The following NBPF3 variants were observed in gnomAD, a reference collection of about 807,000 sequenced individuals.
The protein encoded by NBPF3 is NBPF family member NBPF3.
In NBPF3, 57 loss-of-function variants were observed where a neutral mutation model predicts 78.1. The observed-to-expected ratio is 0.73, with a 90% CI of 0.59 to 0.91. The LOEUF is 0.91. Ranked by LOEUF, NBPF3 falls within the 40% of genes least tolerant of loss-of-function variation. NBPF3 has a pLI of 0.00. For synonymous variants in NBPF3, 182 were observed against 271.7 expected (o/e 0.67, Z 3.25); for missense variants, 510 against 715.3 (o/e 0.71, Z 3.27).
In NBPF3 at chr1:21,460,469, GC is replaced by G. The variant is rs1265766560; in HGVS notation, c.134-8218del. Among the ~76,000 whole-genome samples the G allele has an allele frequency of 2.0e-4, 30 of 152,254 alleles. No individual in the cohort carries two copies. Among genetic ancestry groups the G allele is most frequent in the African/African-American group, 6.5e-4 (27 of 41,544 alleles). The stretch of plus-strand genomic sequence containing the variant: ...AGTTCCCATCCATGAGTGAGAACGT[GC>G]TCACGCTGCTACTTCTAAATGTTTT... On this transcript the variant is annotated intron_variant, in intron 2 of 14. Coordinates refer to ENST00000318249, the MANE Select transcript of NBPF3 (RefSeq NM_032264.6). This position sits in a 1 kb window ranked among gnomAD's most constrained non-coding sequence, Gnocchi z 4.2.
At chr1:21,478,987 A>G (rs1643033749) in intron 9 of NBPF3, among the ~76,000 whole-genome samples, 1 of 152,222 alleles carries the variant, frequency 6.6e-6, no homozygotes, top group Non-Finnish European at 1.5e-5. Flanking sequence ...CTCATAAACT[A>G]TCAAATCTGG....
chr1:21,446,394 T>G (rs1240269618), intron 2 of NBPF3: 1 of 152,030 alleles, frequency 6.6e-6, no homozygotes, highest in African/African-American at 2.4e-5. Flanking sequence ...TAATGGAAAA[T>G]ATTGGTGGTG....
intron 4 of NBPF3, among the ~76,000 whole-genome samples, chr1:21,471,031 A>G (rs920727391): frequency 3.3e-5 from 5 of 151,622 alleles, no homozygotes; most frequent in African/African-American, 1.2e-4. Flanking sequence ...CATTCGGCAT[A>G]CTCAAAGTGA....
At chr1:21,436,790 A>C, upstream of NBPF3, 1 of 1,184,364 alleles carries the variant, frequency 8.4e-7, no homozygotes. The surrounding 1 kb of genome is among the most constrained non-coding windows in gnomAD (Gnocchi z 4.3). Flanking sequence ...GCCTTGCACA[A>C]GCACCAGCTG....
At chr1:21,461,371 CAAACA>C (rs1641940845) in intron 2 of NBPF3, among the ~76,000 whole-genome samples, 1 of 152,186 alleles carries the variant, frequency 6.6e-6, no homozygotes, top group African/African-American at 2.4e-5. Context: ...ATTACTTGGC[CAAACA>C]AAACGAAACA....
chr1:21,478,253 A>C lies in NBPF3; in HGVS notation c.1102A>C (p.Ser368Arg). ...DMSASYQSDR[S>R]TFHSVEEQQV... The stretch of plus-strand genomic sequence containing the variant: ...GTCTGCCTCATACCAGTCTGACAGG[A>C]GCACCTTTCACTCAGTAGAGGAACA... Residue 368 changes from serine (S) to arginine (R), a missense_variant, in exon 9 of 15, where the codon AGC becomes CGC. Physicochemically the swap from Ser to Arg is moderately radical, Grantham distance 110 (BLOSUM62 -1). Coordinates refer to ENST00000318249, the MANE Select transcript of NBPF3 (RefSeq NM_032264.6). 1.2e-6 allele frequency: 2 copies of C among 1,614,166 alleles called. No homozygotes were observed.
chr1:21,463,253 G>A (rs1435477259), intron 2 of NBPF3, among the ~76,000 whole-genome samples: 14 of 152,240 alleles, frequency 9.2e-5, no homozygotes, highest in Non-Finnish European at 1.8e-4. Context: ...GAGAGGTCTC[G>A]ACTTCAACTC....
At chr1:21,449,918 T>A in intron 2 of NBPF3, 1 of 358,182 alleles carries the variant, frequency 2.8e-6, no homozygotes, top group Non-Finnish European at 3.7e-6. Context: ...CTGTAGTTCT[T>A]TCATTGATTG....
At chr1:21,479,723 A>G (rs1453366618) in intron 10 of NBPF3, among the ~76,000 whole-genome samples, 4 of 151,972 alleles carry the variant, frequency 2.6e-5, no homozygotes, top group African/African-American at 9.7e-5. Flanking sequence ...TGTGTCCTGA[A>G]GGCACAAATA....
At chr1:21,459,272 C>G (rs1489859037) in intron 2 of NBPF3, among the ~76,000 whole-genome samples, 1 of 152,148 alleles carries the variant, frequency 6.6e-6, no homozygotes, top group Non-Finnish European at 1.5e-5. Flanking sequence ...CTTGAAGAAG[C>G]AGTAAGTTGG....
rs199771763 is a variant in NBPF3 at position 21,481,957 on chromosome 1, G to A, written c.1606+188G>A. Among the ~76,000 whole-genome samples the A allele has an allele frequency of 0.013, 1,842 of 146,148 alleles. 34 individuals carry two copies. The East Asian group carries it at 0.16, about 13-fold the overall frequency. The stretch of plus-strand genomic sequence containing the variant: ...CCAAACATGGGATGGGTCAGTGAGC[G>A]TGGCTCTCTTCCTAGTCTCAGGCCA... On this transcript the variant is annotated intron_variant, in intron 13 of 14. Transcript: ENST00000318249.
At chr1:21,473,685 A>G (rs1223158298) in intron 7 of NBPF3, 100 bp downstream of exon 7, 1 of 1,047,996 alleles carries the variant, frequency 9.5e-7, no homozygotes, top group Non-Finnish European at 1.5e-6. Flanking sequence ...AATAAAATCT[A>G]TTATGGTATT....
At chr1:21,471,482 A>G in intron 4 of NBPF3, 87 bp from the exon 5 acceptor site, 1 of 1,598,720 alleles carries the variant, frequency 6.3e-7, no homozygotes, top group Non-Finnish European at 8.5e-7. Context: ...CCTTGAGGAC[A>G]TTGTCTCAGA....
Position 21,459,927 on chromosome 1 carries a change from C to CTGTGCAGTGGCCCTCGCACCG in NBPF3, c.134-8761_134-8760insTGTGCAGTGGCCCTCGCACCG, listed in dbSNP as rs368494805. Reference sequence around the variant, plus strand: ...CACGAAAAAGCTTGACCAGTCTTTGCCAACCAGGACACCAACCTTAGCTGG... The same window carrying CTGTGCAGTGGCCCTCGCACCG: ...CACGAAAAAGCTTGACCAGTCTTTGCTGTGCAGTGGCCCTCGCACCGCAACCAGGACACCAACCTTAGCTGG... On this transcript the variant is annotated intron_variant, in intron 2 of 14. Coordinates refer to ENST00000318249, the MANE Select transcript of NBPF3 (RefSeq NM_032264.6). The CTGTGCAGTGGCCCTCGCACCG allele has an allele frequency of 1.1e-3, 119 of 108,780 alleles. 4 individuals carry two copies. Among genetic ancestry groups the CTGTGCAGTGGCCCTCGCACCG allele is most frequent in the East Asian group, 2.4e-3 (7 of 2,866 alleles). The allele number at this position is 108,780 out of a possible 1,614,324, so 6.7% of individuals were successfully genotyped here.
chr1:21,479,602 T>A (rs1487363087), intron 10 of NBPF3, among the ~76,000 whole-genome samples: 1 of 152,200 alleles, frequency 6.6e-6, no homozygotes, highest in Non-Finnish European at 1.5e-5. Flanking sequence ...ACTAACCTAG[T>A]GAAGGTTGAC....
At chr1:21,482,303 G>C (rs1432005444) in intron 13 of NBPF3, among the ~76,000 whole-genome samples, 181 bp from the exon 14 acceptor site, 2 of 116,938 alleles carry the variant, frequency 1.7e-5, no homozygotes, top group Non-Finnish European at 3.5e-5. Context: ...CTTAGTTTCT[G>C]GGACAAAAAC....
intron 8 of NBPF3, among the ~76,000 whole-genome samples, chr1:21,477,010 CTTCAT>C (rs1361965342): frequency 6.6e-6 from 1 of 152,198 alleles, no homozygotes; most frequent in Admixed American, 6.5e-5. Context: ...GCTCTTCTCA[CTTCAT>C]TTCATTAATT....
At chr1:21,437,247 G>C, upstream of NBPF3, 1 of 341,634 alleles carries the variant, frequency 2.9e-6, no homozygotes, top group Non-Finnish European at 5.4e-6. Flanking sequence ...GAGGAGCCTG[G>C]GAGCCCTCGG....
chr1:21,458,407 T>G (rs1375025711), intron 2 of NBPF3, among the ~76,000 whole-genome samples: 1 of 145,584 alleles, frequency 6.9e-6, no homozygotes, highest in African/African-American at 2.6e-5. Flanking sequence ...ACTGAACCAC[T>G]CAGTCGGTAC....
Sources: gnomAD v4.1 joint callset for allele counts (sites outside exome capture counted in the v4.1 genomes callset) on GRCh38, gnomAD v4.1.1 for gene constraint, Gnocchi (gnomAD v3.1) non-coding constraint, MANE v1.5 for transcripts, NCBI Gene and HGNC (gene_info 2026-07-23, HGNC 2026-07-21) for gene names.